RSAD2: variants seen among roughly 807,000 people sequenced by gnomAD.
RSAD2 encodes S-adenosylmethionine-dependent nucleotide dehydratase RSAD2.
Under a neutral mutation model 37.7 loss-of-function variants are expected in RSAD2, and 38 were observed. The observed-to-expected ratio is 1.01, with a 90% CI of 0.78 to 1.32. The LOEUF is 1.32. RSAD2 is among the 40% of genes most tolerant of loss of function. The pLI is 0.00. For synonymous variants in RSAD2, 163 were observed against 157.4 expected (o/e 1.04, Z -0.27); for missense variants, 428 against 437.5 (o/e 0.98, Z 0.19).
At chr2:6,867,785 C>T (rs2595174) in intron 1 of RSAD2, among the ~76,000 whole-genome samples, 151,983 of 152,364 alleles carry the variant, frequency 1, 75,805 homozygotes, top group Middle Eastern at 1. Flanking sequence ...AAGCATCTTA[C>T]CTTTTTTAAT....
chr2:6,879,019 G>A, intron 1 of RSAD2: 1 of 465,058 alleles, frequency 2.2e-6, no homozygotes, highest in Non-Finnish European at 4.3e-6. Flanking sequence ...AGAAGTGCAT[G>A]CTGCACTCCA....
At chr2:6,893,026 G>A (rs980512403) in intron 4 of RSAD2, among the ~76,000 whole-genome samples, 2 of 152,228 alleles carry the variant, frequency 1.3e-5, no homozygotes, top group African/African-American at 2.4e-5. Flanking sequence ...GGGCTGCAAA[G>A]CACAGTTGAT....
At chr2:6,878,608 T>C (rs1259023673) in intron 1 of RSAD2, among the ~76,000 whole-genome samples, 1 of 152,244 alleles carries the variant, frequency 6.6e-6, no homozygotes, top group Non-Finnish European at 1.5e-5. Context: ...TTGAATCTTA[T>C]ATTTGAGTTT....
chr2:6,877,470 A>G (rs1274435373), upstream of RSAD2, among the ~76,000 whole-genome samples: 1 of 152,246 alleles, frequency 6.6e-6, no homozygotes, highest in Non-Finnish European at 1.5e-5. Flanking sequence ...GTCTATCTCT[A>G]TCAGACAGAG....
At chr2:6,870,186 T>C (rs1663179063) in intron 1 of RSAD2, among the ~76,000 whole-genome samples, 1 of 152,218 alleles carries the variant, frequency 6.6e-6, no homozygotes, top group African/African-American at 2.4e-5. Context: ...GAATAAAATC[T>C]CTTTCTTCCA....
At chr2:6,881,295 G>C (rs1054685394) in intron 1 of RSAD2, among the ~76,000 whole-genome samples, 4 of 152,174 alleles carry the variant, frequency 2.6e-5, no homozygotes, top group Non-Finnish European at 5.9e-5. Context: ...ATGCCTCACT[G>C]TCCAATCATA....
intron 2 of RSAD2, 152 bp from the exon 3 acceptor site, chr2:6,886,783 A>T: frequency 1.7e-6 from 1 of 592,644 alleles, no homozygotes; most frequent in Non-Finnish European, 3.0e-6. Flanking sequence ...ACAAGAAGAA[A>T]GTAAAATTCA....
intron 1 of RSAD2, chr2:6,866,410 CT>C: frequency 1.0e-6 from 1 of 983,984 alleles, no homozygotes; most frequent in Non-Finnish European, 1.2e-6. Context: ...ACACACTCAC[CT>C]TTGCACACAC....
chr2:6,870,046 A>G (rs1291573125), intron 1 of RSAD2, among the ~76,000 whole-genome samples: 4 of 152,228 alleles, frequency 2.6e-5, no homozygotes, highest in African/African-American at 7.2e-5. Context: ...GTGAGTTTCA[A>G]TCCTTCATTT....
intron 4 of RSAD2, 122 bp from the exon 5 acceptor site, chr2:6,893,549 T>A (rs1358991940): frequency 1.0e-5 from 8 of 800,930 alleles, no homozygotes; most frequent in African/African-American, 3.4e-5. Context: ...CAAAGGCAAC[T>A]CAAGGGAAAT....
At chr2:6,886,851 A>G (rs1663531532) in intron 2 of RSAD2, 84 bp from the exon 3 acceptor site, 10 of 936,056 alleles carry the variant, frequency 1.1e-5, no homozygotes, top group Admixed American at 2.7e-5. Flanking sequence ...TTTAAACAAG[A>G]TATATTTTAT....
At chr2:6,874,858 A>G (rs1215942250), upstream of RSAD2, among the ~76,000 whole-genome samples, 1 of 152,328 alleles carries the variant, frequency 6.6e-6, no homozygotes, top group Admixed American at 6.5e-5. Flanking sequence ...CTGTAAGTTC[A>G]GTAAAAATCT....
chr2:6,866,886 A>T (rs867041882), intron 1 of RSAD2, among the ~76,000 whole-genome samples: 3 of 152,210 alleles, frequency 2.0e-5, no homozygotes, highest in Admixed American at 6.5e-5. Flanking sequence ...CTGAAAAAAA[A>T]AGTCTTAACA....
chr2:6,885,647 A>G (rs1251857977), intron 2 of RSAD2, among the ~76,000 whole-genome samples: 4 of 152,252 alleles, frequency 2.6e-5, no homozygotes, highest in Non-Finnish European at 5.9e-5. Flanking sequence ...ACAGGAGGAT[A>G]GTTATCATGG....
At chr2:6,895,463 A>ATG (rs1360733505) in intron 5 of RSAD2, among the ~76,000 whole-genome samples, 1 of 152,190 alleles carries the variant, frequency 6.6e-6, no homozygotes, top group East Asian at 1.9e-4. Context: ...CATAATTCAG[A>ATG]TGTTAGCATT....
At chr2:6,869,223 C>G (rs1663162966) in intron 1 of RSAD2, among the ~76,000 whole-genome samples, 1 of 152,166 alleles carries the variant, frequency 6.6e-6, no homozygotes, top group South Asian at 2.1e-4. Flanking sequence ...TTGACTTACA[C>G]CTTTTTCCTA....
chr2:6,873,901 G>A (rs1663240911), upstream of RSAD2, among the ~76,000 whole-genome samples: 2 of 152,120 alleles, frequency 1.3e-5, no homozygotes, highest in African/African-American at 4.8e-5. Context: ...CAAATTGCAT[G>A]AGATCTTAAA....
intron 3 of RSAD2, among the ~76,000 whole-genome samples, chr2:6,888,767 C>T (rs1291850986): frequency 6.6e-6 from 1 of 152,170 alleles, no homozygotes; most frequent in Non-Finnish European, 1.5e-5. Context: ...TTGATGTATG[C>T]AGGCTTCCAA....
At chr2:6,886,550 A>C (rs1663525478) in intron 2 of RSAD2, among the ~76,000 whole-genome samples, 1 of 152,252 alleles carries the variant, frequency 6.6e-6, no homozygotes, top group Non-Finnish European at 1.5e-5. Flanking sequence ...GTGTGATGGA[A>C]AGAAAAAGAA....
Sources: allele counts gnomAD v4.1 joint callset (sites outside exome capture counted in the v4.1 genomes callset), GRCh38; gene constraint gnomAD v4.1.1; transcripts MANE v1.5; gene names NCBI Gene and HGNC (gene_info 2026-07-23, HGNC 2026-07-21).